The following EIPR1 variants were observed in gnomAD, a reference collection of about 807,000 sequenced individuals.
EIPR1 encodes the protein EARP complex and GARP complex interacting protein 1.
EIPR1 carries 25 observed loss-of-function variants against 48.1 expected under a neutral mutation model. The ratio of observed to expected loss-of-function variants is 0.52; its 90% CI spans 0.38 to 0.73. The LOEUF is 0.73. EIPR1 is among the 30% of genes least tolerant of loss of function. The pLI, the probability that EIPR1 is intolerant of heterozygous loss-of-function variation, is 0.00. For synonymous variants in EIPR1, 204 were observed against 201.9 expected (o/e 1.01, Z -0.09); for missense variants, 415 against 506.2 (o/e 0.82, Z 1.73).
At chr2:3,371,796 C>T (rs1386714551) in intron 1 of EIPR1, among the ~76,000 whole-genome samples, 2 of 152,136 alleles carry the variant, frequency 1.3e-5, no homozygotes, top group East Asian at 3.8e-4. Flanking sequence ...GACTTTAACA[C>T]CCCACTGTCA....
intron 3 of EIPR1, among the ~76,000 whole-genome samples, chr2:3,335,647 C>T (rs1240516704): frequency 3.3e-5 from 5 of 152,178 alleles, no homozygotes; most frequent in African/African-American, 1.2e-4. Flanking sequence ...ATTGTAATCC[C>T]CACATGTCCA....
chr2:3,374,964 A>T (rs1659823880), intron 1 of EIPR1, among the ~76,000 whole-genome samples: 1 of 137,748 alleles, frequency 7.3e-6, no homozygotes, highest in Non-Finnish European at 1.6e-5. Flanking sequence ...ACAATAGCAA[A>T]GACTTGGAAC....
intron 3 of EIPR1, among the ~76,000 whole-genome samples, chr2:3,326,018 G>T (rs1303929078): frequency 6.6e-6 from 1 of 152,216 alleles, no homozygotes; most frequent in African/African-American, 2.4e-5. Flanking sequence ...GCCTGTGCCA[G>T]GGGCTCCTGA....
chr2:3,239,871 T>C (rs1267085341), intron 4 of EIPR1, among the ~76,000 whole-genome samples: 1 of 152,244 alleles, frequency 6.6e-6, no homozygotes, highest in Non-Finnish European at 1.5e-5. Flanking sequence ...TGTATTCACA[T>C]ATGAAGCTTC....
chr2:3,329,789 A>G (rs902111588), intron 3 of EIPR1, among the ~76,000 whole-genome samples: 2 of 150,302 alleles, frequency 1.3e-5, no homozygotes, highest in Admixed American at 1.3e-4. Context: ...ATCAGAGTCC[A>G]CCCACCATGC....
rs138085431 is a variant in EIPR1 at position 3,224,599 on chromosome 2, C to A, written c.417-10351G>T. ...ATACACAGGCAGGAAGAGGCAGCCC[C>A]GTGTGAAAGTTTTCTGCCACTCTAG... On this transcript the variant is annotated intron_variant, in intron 4 of 8. Coordinates refer to ENST00000382125, the MANE Select transcript of EIPR1 (RefSeq NM_003310.5). Among the ~76,000 whole-genome samples the A allele has an allele frequency of 6.9e-3, 1,054 of 152,254 alleles. 13 individuals carry two copies. The highest frequency in any genetic ancestry group is 0.024 in the African/African-American group (984 of 41,542).
At chr2:3,252,906 T>C (rs1667045572) in intron 4 of EIPR1, among the ~76,000 whole-genome samples, 1 of 152,218 alleles carries the variant, frequency 6.6e-6, no homozygotes, top group Admixed American at 6.5e-5. Context: ...TAAAAAACTC[T>C]AAGAACCCCA....
chr2:3,355,830 A>C (rs1274626819), intron 1 of EIPR1, among the ~76,000 whole-genome samples: 1 of 152,044 alleles, frequency 6.6e-6, no homozygotes, highest in Non-Finnish European at 1.5e-5. Context: ...ATAAAATAAA[A>C]TAAAATAAAA....
At chr2:3,250,145 G>C (rs563734432) in intron 4 of EIPR1, among the ~76,000 whole-genome samples, 7 of 152,202 alleles carry the variant, frequency 4.6e-5, no homozygotes, top group Non-Finnish European at 8.8e-5. Flanking sequence ...GCCCAAGAAT[G>C]GTAGAGCCAG....
chr2:3,364,551 A>G (rs902073325), intron 1 of EIPR1, among the ~76,000 whole-genome samples: 12 of 151,886 alleles, frequency 7.9e-5, no homozygotes, highest in African/African-American at 2.2e-4. Flanking sequence ...GGGAGGATCA[A>G]TTGAGCCTGG....
chr2:3,371,254 G>T (rs1180929440), intron 1 of EIPR1, among the ~76,000 whole-genome samples: 1 of 152,188 alleles, frequency 6.6e-6, no homozygotes, highest in Non-Finnish European at 1.5e-5. Context: ...AACATGGAAA[G>T]GCATAACCGT....
intron 7 of EIPR1, 66 bp from the exon 8 acceptor site, chr2:3,192,647 A>C: frequency 1.3e-6 from 2 of 1,551,758 alleles, no homozygotes; most frequent in Non-Finnish European, 1.8e-6. Flanking sequence ...AATGGATCAC[A>C]CCGGCTCTGA....
At chr2:3,271,351 T>C (rs1323757572) in intron 3 of EIPR1, among the ~76,000 whole-genome samples, 1 of 152,214 alleles carries the variant, frequency 6.6e-6, no homozygotes, top group Non-Finnish European at 1.5e-5. Context: ...GAATCCTTTC[T>C]AGGTTTTCAA....
At position 3,297,437 on chromosome 2, in the gene EIPR1, A is replaced by C. The variant is rs536165501; in HGVS notation, c.260-39982T>G. Among the ~76,000 whole-genome samples the C allele has an allele frequency of 6.6e-5, 10 of 152,372 alleles. No individual in the cohort carries two copies. In the South Asian group the frequency reaches 2.1e-3, roughly 32 times the overall value. On this transcript the variant is annotated intron_variant, in intron 3 of 8. Transcript: ENST00000382125. ...GGGCATTTGCCCTAACAGTTAAATA[A>C]GGGCTGTAGATGAGCAGATTTTCAA... is the stretch of plus-strand genomic sequence containing the variant.
chr2:3,335,146 G>A (rs1427784764), intron 3 of EIPR1, among the ~76,000 whole-genome samples: 1 of 152,204 alleles, frequency 6.6e-6, no homozygotes, highest in Non-Finnish European at 1.5e-5. Context: ...ACACAGCCTG[G>A]TGGGGGCCTG....
At chr2:3,360,705 G>T (rs922764808) in intron 1 of EIPR1, among the ~76,000 whole-genome samples, 3 of 152,198 alleles carry the variant, frequency 2.0e-5, no homozygotes, top group Non-Finnish European at 4.4e-5. Flanking sequence ...GTAGCAAACC[G>T]TGTCCATTAA....
chr2:3,333,435 C>A (rs778225781), intron 3 of EIPR1, among the ~76,000 whole-genome samples: 3 of 152,168 alleles, frequency 2.0e-5, no homozygotes, highest in Non-Finnish European at 4.4e-5. Flanking sequence ...CTTTCCTCCC[C>A]ATAAGATAAG....
At chr2:3,297,358 C>A (rs1468338719) in intron 3 of EIPR1, among the ~76,000 whole-genome samples, 1 of 152,248 alleles carries the variant, frequency 6.6e-6, no homozygotes, top group Non-Finnish European at 1.5e-5. Context: ...GACAGCCATT[C>A]ACATCTTACA....
chr2:3,368,184 A>C lies in EIPR1; in HGVS notation c.42+9464T>G, dbSNP rs573645147. ...ATGGCACAAAAAGCCAAAAGCCCAC[A>C]GTCTCTTTGCCCCTCTGACCTGACT... On this transcript the variant is annotated intron_variant, in intron 1 of 8. Transcript: ENST00000382125. 3.3e-5 allele frequency among the ~76,000 whole-genome samples: 5 copies of C among 152,324 alleles called. No individual in the cohort carries two copies. The East Asian group carries it at 9.7e-4, about 29-fold the overall frequency.
Sources: gnomAD v4.1 joint callset for allele counts (sites outside exome capture counted in the v4.1 genomes callset) on GRCh38, gnomAD v4.1.1 for gene constraint, MANE v1.5 for transcripts, NCBI Gene and HGNC (gene_info 2026-07-23, HGNC 2026-07-21) for gene names.